EPB41L4B: variants seen among roughly 807,000 people sequenced by gnomAD.
EPB41L4B encodes erythrocyte membrane protein band 4.1 like 4B.
Under a neutral mutation model 112.5 loss-of-function variants are expected in EPB41L4B, and 30 were observed. The ratio of observed to expected loss-of-function variants is 0.27; its 90% CI spans 0.20 to 0.36. The LOEUF (loss-of-function observed/expected upper bound fraction) is 0.36. Among genes scored for constraint, EPB41L4B ranks in the 10% least tolerant of loss-of-function variants. The pLI is 1.00. For missense variants in EPB41L4B, 1,024 were observed against 1,133.3 expected (o/e 0.90, Z 1.38); for synonymous variants, 408 against 439.7 (o/e 0.93, Z 0.90).
At position 109,216,948 on chromosome 9, in the gene EPB41L4B, G is replaced by A; in HGVS notation, c.1607C>T (p.Pro536Leu). The change falls in exon 16 of 26, where the codon CCA becomes CTA. Residue 536 changes from proline (P) to leucine (L), a missense_variant. Physicochemically the swap from Pro to Leu is moderately conservative, Grantham distance 98. Coordinates refer to ENST00000374566, the MANE Select transcript of EPB41L4B (RefSeq NM_019114.5). ...TGTAAGGGACTTGCTGCTGGAGTTT[G>A]GGGACCTCAGAGGCCCCTCTTTGTT... The part of the protein sequence containing the change: ...LENKEGPLRS[P>L]NSSSKSLTKL... The A allele has an allele frequency of 6.2e-7, 1 of 1,614,106 alleles. No homozygotes were observed. The highest frequency in any genetic ancestry group is 8.5e-7 in the Non-Finnish European group (1 of 1,179,980).
At chr9:109,259,516 G>A (rs1225524901) in intron 6 of EPB41L4B, among the ~76,000 whole-genome samples, 1 of 152,158 alleles carries the variant, frequency 6.6e-6, no homozygotes, top group Non-Finnish European at 1.5e-5. Flanking sequence ...CTGCAGCCAG[G>A]CCTCAGCTCT....
intron 1 of EPB41L4B, among the ~76,000 whole-genome samples, chr9:109,281,629 G>A (rs1029416962): frequency 1.3e-5 from 2 of 152,042 alleles, no homozygotes; most frequent in African/African-American, 4.8e-5. Flanking sequence ...AAGTTGCAGC[G>A]AGCCGAGATT....
intron 1 of EPB41L4B, among the ~76,000 whole-genome samples, chr9:109,299,987 G>C (rs1268813553): frequency 6.6e-6 from 1 of 152,208 alleles, no homozygotes; most frequent in Non-Finnish European, 1.5e-5. Context: ...TAACACCCAA[G>C]TGGATTCACC....
At chr9:109,221,084 T>G (rs1229161700) in intron 15 of EPB41L4B, among the ~76,000 whole-genome samples, 4 of 152,202 alleles carry the variant, frequency 2.6e-5, no homozygotes, top group African/African-American at 9.6e-5. Context: ...GAATCATCCT[T>G]TCCCCCAACT....
At chr9:109,253,600 CA>C (rs756934609) in intron 11 of EPB41L4B, 50 bp from the exon 12 acceptor site, 3 of 1,205,854 alleles carry the variant, frequency 2.5e-6, no homozygotes, top group East Asian at 2.3e-5. Flanking sequence ...AATCTCAGTA[CA>C]TTACCTGTTT....
At chr9:109,288,358 G>A (rs1836379723) in intron 1 of EPB41L4B, among the ~76,000 whole-genome samples, 1 of 152,100 alleles carries the variant, frequency 6.6e-6, no homozygotes, top group Non-Finnish European at 1.5e-5. Flanking sequence ...CAAGGCAGGA[G>A]GTTCGCTTGA....
chr9:109,262,550 C>T (rs958195027), intron 6 of EPB41L4B, among the ~76,000 whole-genome samples: 2 of 152,106 alleles, frequency 1.3e-5, no homozygotes, highest in African/African-American at 4.8e-5. Flanking sequence ...CTCCCAGTCC[C>T]AGTCTTGGTC....
chr9:109,284,687 C>T (rs534799502), intron 1 of EPB41L4B, among the ~76,000 whole-genome samples: 49 of 152,324 alleles, frequency 3.2e-4, no homozygotes, highest in Admixed American at 5.2e-4. Flanking sequence ...AGATCGGAGG[C>T]GTGAGCCCCC....
chr9:109,258,364 G>C (rs939253185), intron 6 of EPB41L4B, 67 bp from the exon 7 acceptor site: 1 of 1,561,442 alleles, frequency 6.4e-7, no homozygotes, highest in Non-Finnish European at 8.8e-7. Flanking sequence ...CTGCAACCAG[G>C]TCCAAAGGCA....
chr9:109,237,543 C>G (rs943663657), intron 15 of EPB41L4B, among the ~76,000 whole-genome samples: 5 of 152,266 alleles, frequency 3.3e-5, no homozygotes, highest in Admixed American at 6.5e-5. Context: ...TGGACCGTCT[C>G]AAATAAGCAG....
In EPB41L4B at chr9:109,174,980, G is replaced by A. The variant is rs1416623530; in HGVS notation, c.2634-357C>T. On this transcript the variant is annotated intron_variant, in intron 25 of 25. Coordinates refer to ENST00000374566, the MANE Select transcript of EPB41L4B (RefSeq NM_019114.5). ...CACCCAGGCTGGAGTACAGTGGCGT[G>A]ATCTTGGCTCACTGCAACCTCCACC... 2.1e-5 allele frequency among the ~76,000 whole-genome samples: 3 copies of A among 141,540 alleles called. No homozygotes were observed. In the East Asian group the frequency reaches 6.5e-4, roughly 31 times the overall value. The allele number at this position is 141,540 out of a possible 152,430, so 92.9% of individuals were successfully genotyped here.
chr9:109,293,395 T>G (rs1471892695), intron 1 of EPB41L4B, among the ~76,000 whole-genome samples: 1 of 147,204 alleles, frequency 6.8e-6, no homozygotes, highest in African/African-American at 2.5e-5. Context: ...TTTTTTTTTT[T>G]CCTTGAGACG....
At chr9:109,200,723 T>C (rs1382240425) in intron 19 of EPB41L4B, among the ~76,000 whole-genome samples, 1 of 152,196 alleles carries the variant, frequency 6.6e-6, no homozygotes, top group African/African-American at 2.4e-5. Context: ...CTGTTTTTAA[T>C]TCCAAGTAAT....
Position 109,172,461 on chromosome 9 carries a change from CA to C in EPB41L4B, c.*2092del, listed in dbSNP as rs1831664881. The C allele has an allele frequency of 6.6e-6, 1 of 152,138 alleles. No homozygotes were observed. The highest frequency in any genetic ancestry group is 2.1e-4 in the South Asian group (1 of 4,822). 9.4% of individuals were successfully genotyped at this position (152,138 alleles called of 1,614,324 possible). A position where few individuals can be genotyped will look rare whatever the true frequency, so the allele number is the denominator to read the frequency against. ...CGGGGGACATAGGGGTAAAAGGACC[CA>C]AACGCTACAATTGCCCCGGATAGCT... On this transcript the variant is annotated 3_prime_UTR_variant, in exon 26 of 26. Coordinates refer to ENST00000374566, the MANE Select transcript of EPB41L4B (RefSeq NM_019114.5).
rs201636849 is a variant in EPB41L4B at position 109,194,303 on chromosome 9, C to A, written c.2140G>T (p.Val714Leu). The A allele has an allele frequency of 3.1e-6, 5 of 1,614,146 alleles. No individual in the cohort carries two copies. In the East Asian group the frequency reaches 8.9e-5, roughly 29 times the overall value. The change falls in exon 21 of 26, where the codon GTG becomes TTG. Residue 714 changes from valine to leucine, a missense_variant. By Grantham distance (32) the Val-to-Leu change is conservative. Coordinates refer to ENST00000374566, the MANE Select transcript of EPB41L4B (RefSeq NM_019114.5). The part of the protein sequence containing the change: ...NTTTAATQVS[V>L]PLPSPKVQNV... ...TGGACCTTGGGGGACGGCAGCGGCA[C>A]GGAGACTTGTGTGGCGGCCGTTGTG...
At chr9:109,277,024 TATCTAAA>T (rs1377865721) in intron 2 of EPB41L4B, among the ~76,000 whole-genome samples, 16 of 152,168 alleles carry the variant, frequency 1.1e-4, no homozygotes, top group African/African-American at 3.9e-4. Context: ...CAAGGCAGCC[TATCTAAA>T]GCCTACCAAA....
At position 109,223,300 on chromosome 9, in the gene EPB41L4B, G is replaced by T. The variant is rs142804068; in HGVS notation, c.1410-6155C>A. On this transcript the variant is annotated intron_variant, in intron 15 of 25. Coordinates refer to ENST00000374566, the MANE Select transcript of EPB41L4B (RefSeq NM_019114.5). ...AACAACAAAAAATTAACCCGGTATGGTGGCACATACTGTGGTCCTAGCTAC... is the reference window on the plus strand; with the variant it reads ...AACAACAAAAAATTAACCCGGTATGTTGGCACATACTGTGGTCCTAGCTAC... 5.9e-3 allele frequency among the ~76,000 whole-genome samples: 902 copies of T among 152,168 alleles called. 7 individuals are homozygous for T. The highest frequency in any genetic ancestry group is 0.014 in the Admixed American group (210 of 15,288).
rs1032919100 is a variant in EPB41L4B at position 109,173,590 on chromosome 9, A to G, written c.*964T>C. On this transcript the variant is annotated 3_prime_UTR_variant, in exon 26 of 26. Coordinates refer to ENST00000374566, the MANE Select transcript of EPB41L4B (RefSeq NM_019114.5). ...AGAGGAGACAAGTGTTAGGCCGAGA[A>G]GTAAAACAAAGGAGAATGTACACAA... 10 of 152,652 alleles carry G rather than the reference A, an allele frequency of 6.6e-5. No individual in the cohort carries two copies. Among genetic ancestry groups the G allele is most frequent in the African/African-American group, 2.4e-4 (10 of 41,448 alleles). 9.5% of individuals were successfully genotyped at this position (152,652 alleles called of 1,614,324 possible).
chr9:109,294,672 CTGTGTGTGTGTGTGTG>C (rs56261244), intron 1 of EPB41L4B, among the ~76,000 whole-genome samples: 1 of 147,842 alleles, frequency 6.8e-6, no homozygotes, highest in Non-Finnish European at 1.5e-5. Context: ...GATATTGTGG[CTGTGTGTGTGTGTGTG>C]TGTGTGTGTG....
Sources: allele counts gnomAD v4.1 joint callset (sites outside exome capture counted in the v4.1 genomes callset), GRCh38; gene constraint gnomAD v4.1.1; transcripts MANE v1.5; gene names NCBI Gene and HGNC (gene_info 2026-07-23, HGNC 2026-07-21).